Variants in VIP observed in about 807,000 individuals in gnomAD.
VIP encodes the protein vasoactive intestinal peptide.
In VIP, 18 loss-of-function variants were observed where a neutral mutation model predicts 20.1. The ratio of observed to expected loss-of-function variants is 0.90; its 90% CI spans 0.62 to 1.33. The LOEUF (loss-of-function observed/expected upper bound fraction) is 1.33, where lower values mean the gene tolerates loss of function less well. Ranked by LOEUF, VIP falls within the 40% of genes most tolerant of loss-of-function variation. The probability of loss-of-function intolerance (pLI) is 0.00; values close to 1 mark genes in which losing one functional copy is unlikely to be tolerated. For missense variants in VIP, 209 were observed against 199.4 expected (o/e 1.05, Z -0.29); for synonymous variants, 70 against 68.1 (o/e 1.03, Z -0.14).
Position 152,756,119 on chromosome 6 carries a change from C to CCT in VIP, c.336-13_336-12dup, listed in dbSNP as rs1281661616. On this transcript the variant is annotated splice_polypyrimidine_tract_variant and intron_variant, in intron 4 of 6. Coordinates refer to ENST00000367244, the MANE Select transcript of VIP (RefSeq NM_003381.4). Reference sequence around the variant, plus strand: ...TGTGAAAACTCTTTGATTTCCTTTTCCTCATGTTCCTTAGCAGTAACATCT... The same window carrying CCT: ...TGTGAAAACTCTTTGATTTCCTTTTCCTCTCATGTTCCTTAGCAGTAACATCT... 3 of 1,515,934 alleles carry CCT rather than the reference C, an allele frequency of 2.0e-6. No homozygotes were observed. The Admixed American group carries it at 6.4e-5, about 33-fold the overall frequency. The allele number at this position is 1,515,934 out of a possible 1,614,324, so 93.9% of individuals were successfully genotyped here.
intron 6 of VIP, 120 bp downstream of exon 6, chr6:152,757,304 T>A (rs1355838089): frequency 6.3e-6 from 4 of 634,626 alleles, no homozygotes; most frequent in African/African-American, 1.8e-5. Flanking sequence ...TGAGACCTCA[T>A]CCAAGACAGA....
Position 152,750,872 on chromosome 6 carries a change from C to A in VIP, c.-98C>A, listed in dbSNP as rs1450407767. 3 of 152,164 alleles carry A rather than the reference C, an allele frequency of 2.0e-5. No homozygotes were observed. The highest frequency in any genetic ancestry group is 4.8e-5 in the African/African-American group (2 of 41,454). The allele number at this position is 152,164 out of a possible 1,614,324, so 9.4% of individuals were successfully genotyped here. ...TGCTAAGGGCAGAGAACTGGTGGAGCCTTTCTCTTACTCCCAGGACTTCAG... is the reference window on the plus strand; with the variant it reads ...TGCTAAGGGCAGAGAACTGGTGGAGACTTTCTCTTACTCCCAGGACTTCAG... On this transcript the variant is annotated 5_prime_UTR_variant, in exon 1 of 7. Transcript: ENST00000367244.
rs1401522729 is a variant in VIP, at chr6:152,756,260, G to A, written c.462G>A (p.Lys154=). The A allele has an allele frequency of 6.2e-7, 1 of 1,605,610 alleles. No individual in the cohort carries two copies. The highest frequency in any genetic ancestry group is 1.7e-5 in the Admixed American group (1 of 58,394). Residue 154 remains lysine (K), a synonymous_variant, in exon 5 of 7, where the codon AAG becomes AAA. Transcript: ENST00000367244. ...KKYLNSILNG[K]RSSEGESPDF... ...ATTTGAACTCAATTCTGAATGGAAA[G>A]AGGAGGTAAAGAAAAAGAGAACTTG...
Position 152,754,304 on chromosome 6 carries a change from TA to T in VIP, c.230+20del, listed in dbSNP as rs765687103. The T allele has an allele frequency of 6.3e-7, 1 of 1,585,002 alleles. No individual in the cohort carries two copies. Among genetic ancestry groups the T allele is most frequent in the South Asian group, 1.2e-5 (1 of 84,844 alleles). ...ATGTATCCAGGTGAGTTTATTTTTA[TA>T]AAACTATCCAATGAGTTTTATTTTA... On this transcript the variant is annotated intron_variant, in intron 3 of 6. Transcript: ENST00000367244.
At chr6:152,752,330 TA>T (rs765991075) in intron 2 of VIP, 46 bp downstream of exon 2, 30 of 1,476,742 alleles carry the variant, frequency 2.0e-5, no homozygotes, top group Non-Finnish European at 3.8e-6. Context: ...CTTCCTCATC[TA>T]AATGGGAATT....
chr6:152,756,249 C>A lies in VIP; in HGVS notation c.451C>A (p.Leu151Met). 8 of 1,609,384 alleles carry A rather than the reference C, an allele frequency of 5.0e-6. No individual in the cohort carries two copies. Among genetic ancestry groups the A allele is most frequent in the Non-Finnish European group, 6.8e-6 (8 of 1,177,672 alleles). The change falls in exon 5 of 7, where the codon CTG becomes ATG. Residue 151 changes from leucine (L) to methionine (M), a missense_variant. Physicochemically the swap from Leu to Met is conservative, Grantham distance 15 (BLOSUM62 2). Coordinates refer to ENST00000367244, the MANE Select transcript of VIP (RefSeq NM_003381.4). ...MAVKKYLNSILNGKRSSEGES... is the reference protein window; with the variant it reads ...MAVKKYLNSIMNGKRSSEGES... ...TGTAAAGAAATATTTGAACTCAATTCTGAATGGAAAGAGGAGGTAAAGAAA... is the reference window on the plus strand; with the variant it reads ...TGTAAAGAAATATTTGAACTCAATTATGAATGGAAAGAGGAGGTAAAGAAA...
chr6:152,757,581 G>C (rs1468498884), intron 6 of VIP, among the ~76,000 whole-genome samples: 1 of 151,904 alleles, frequency 6.6e-6, no homozygotes, highest in Admixed American at 6.6e-5. Context: ...ACAATTGACT[G>C]TTAGCTCCTC....
At chr6:152,754,046 A>G (rs2099730046) in intron 2 of VIP, 120 bp from the exon 3 acceptor site, 3 of 1,115,730 alleles carry the variant, frequency 2.7e-6, no homozygotes, top group South Asian at 2.1e-5. Flanking sequence ...TGCTATTCTC[A>G]TATTATGACT....
Position 152,754,246 on chromosome 6 carries a change from A to G in VIP, c.188A>G (p.Asn63Ser), listed in dbSNP as rs746032386. Residue 63 changes from asparagine (N) to serine (S), a missense_variant, in exon 3 of 7, where the codon AAT (asparagine) becomes AGT (serine). Physicochemically the swap from Asn to Ser is conservative, Grantham distance 46. Transcript: ENST00000367244. ...AAAGAAGACATTGACATGTTGCAAA[A>G]TGCATTAGCTGAAAATGACACACCC... ...SLKEDIDMLQ[N>S]ALAENDTPYY... 3 of 1,611,864 alleles carry G rather than the reference A, an allele frequency of 1.9e-6. No individual in the cohort carries two copies.
Position 152,759,718 on chromosome 6 carries a change from A to C in VIP, c.*852A>C, listed in dbSNP as rs911345701. 5.9e-5 allele frequency: 9 copies of C among 152,140 alleles called. No individual in the cohort carries two copies. The highest frequency in any genetic ancestry group is 1.9e-4 in the African/African-American group (8 of 41,562). The allele number at this position is 152,140 out of a possible 1,614,324, so 9.4% of individuals were successfully genotyped here. A position where few individuals can be genotyped will look rare whatever the true frequency, so the allele number is the denominator to read the frequency against. On this transcript the variant is annotated 3_prime_UTR_variant, in exon 7 of 7. Coordinates refer to ENST00000367244, the MANE Select transcript of VIP (RefSeq NM_003381.4). Reference sequence around the variant, plus strand: ...ACAACTATTTTTCCAAAATAATTTTAAGAAATCAAAGAGAGAAAATAAAGA... The same window carrying C: ...ACAACTATTTTTCCAAAATAATTTTCAGAAATCAAAGAGAGAAAATAAAGA...
intron 5 of VIP, among the ~76,000 whole-genome samples, 188 bp from the exon 6 acceptor site, chr6:152,756,908 G>C (rs1244178503): frequency 1.3e-5 from 2 of 151,818 alleles, no homozygotes; most frequent in Non-Finnish European, 2.9e-5. Context: ...AATTCTGTGA[G>C]AATAATTTTA....
intron 1 of VIP, among the ~76,000 whole-genome samples, chr6:152,751,705 A>G (rs1207813337): frequency 1.3e-5 from 2 of 152,158 alleles, no homozygotes; most frequent in Admixed American, 6.6e-5. Flanking sequence ...TACACATTAT[A>G]TTTATACATT....
chr6:152,755,469 T>A (rs1020346311), intron 4 of VIP, 96 bp downstream of exon 4: 2 of 758,598 alleles, frequency 2.6e-6, no homozygotes, highest in African/African-American at 3.7e-5. Context: ...TTGTTTGAAA[T>A]TGAAAACTCG....
Position 152,756,227 on chromosome 6 carries a change from A to G in VIP, c.429A>G (p.Val143=). Reference sequence around the variant, plus strand: ...CCCGCCTTAGAAAACAAATGGCTGTAAAGAAATATTTGAACTCAATTCTGA... The same window carrying G: ...CCCGCCTTAGAAAACAAATGGCTGTGAAGAAATATTTGAACTCAATTCTGA... ...NYTRLRKQMA[V]KKYLNSILNG... The change falls in exon 5 of 7, where the codon GTA becomes GTG. Residue 143 remains valine (V), a synonymous_variant. Coordinates refer to ENST00000367244, the MANE Select transcript of VIP (RefSeq NM_003381.4). The G allele has an allele frequency of 6.2e-7, 1 of 1,611,486 alleles. No individual in the cohort carries two copies. Among genetic ancestry groups the G allele is most frequent in the Non-Finnish European group, 8.5e-7 (1 of 1,178,322 alleles).
In VIP at chr6:152,752,205, C is replaced by A. The variant is rs1442596285; in HGVS notation, c.28C>A (p.Leu10Ile). 1 of 1,613,504 alleles carries A rather than the reference C, an allele frequency of 6.2e-7. No homozygotes were observed. Among genetic ancestry groups the A allele is most frequent in the African/African-American group, 1.3e-5 (1 of 75,010 alleles). Residue 10 changes from leucine to isoleucine, a missense_variant, in exon 2 of 7, where the codon CTT becomes ATT. Physicochemically the swap from Leu to Ile is conservative, Grantham distance 5. Coordinates refer to ENST00000367244, the MANE Select transcript of VIP (RefSeq NM_003381.4). ...GGACACCAGAAATAAGGCCCAGCTC[C>A]TTGTGCTCCTGACTCTTCTCAGTGT... MDTRNKAQLLVLLTLLSVLF... is the reference protein window; with the variant it reads MDTRNKAQLIVLLTLLSVLF...
chr6:152,755,185 A>T (rs1034010251), intron 3 of VIP, 84 bp from the exon 4 acceptor site: 25 of 843,746 alleles, frequency 3.0e-5, no homozygotes, highest in Non-Finnish European at 4.1e-5. Context: ...TAAGCCCATA[A>T]TTTTTTTGTT....
chr6:152,753,699 A>C (rs1484130189), intron 2 of VIP, among the ~76,000 whole-genome samples: 1 of 151,992 alleles, frequency 6.6e-6, no homozygotes, highest in Admixed American at 6.6e-5. Flanking sequence ...AGCAGTTAAT[A>C]CTCTGTTCTT....
chr6:152,756,008 C>G, intron 4 of VIP, 126 bp from the exon 5 acceptor site: 1 of 1,037,882 alleles, frequency 9.6e-7, no homozygotes, highest in East Asian at 2.8e-5. Flanking sequence ...TTCTTTTAGT[C>G]TTTTTATGAT....
rs563109082 is a variant in VIP, at chr6:152,755,164, A to G, written c.231-105A>G. ...CTTTTGAACTTTAGTTTTAATGAGA[A>G]GCTTTCATAATAAGCCCATAATTTT... On this transcript the variant is annotated intron_variant, in intron 3 of 6. Coordinates refer to ENST00000367244, the MANE Select transcript of VIP (RefSeq NM_003381.4). 23 of 627,198 alleles carry G rather than the reference A, an allele frequency of 3.7e-5. No individual in the cohort carries two copies. In the African/African-American group the frequency reaches 4.0e-4, roughly 11 times the overall value. 38.9% of individuals were successfully genotyped at this position (627,198 alleles called of 1,614,324 possible).
Sources: gnomAD v4.1 joint callset for allele counts (sites outside exome capture counted in the v4.1 genomes callset) on GRCh38, gnomAD v4.1.1 for gene constraint, MANE v1.5 for transcripts, NCBI Gene and HGNC (gene_info 2026-07-23, HGNC 2026-07-21) for gene names.